Variants in MGAM2 observed in about 807,000 individuals in gnomAD.
The protein encoded by MGAM2 is maltase-glucoamylase 2 (putative).
In MGAM2, 98 loss-of-function variants were observed where a neutral mutation model predicts 96.1. The ratio of observed to expected loss-of-function variants is 1.02; its 90% CI spans 0.87 to 1.21. The LOEUF (loss-of-function observed/expected upper bound fraction) is 1.21, where lower values mean the gene tolerates loss of function less well. MGAM2 is among the 50% of genes most tolerant of loss of function. The probability of loss-of-function intolerance (pLI) is 0.00; values close to 1 mark genes in which losing one functional copy is unlikely to be tolerated. For missense variants in MGAM2, 2,055 were observed against 1,182.4 expected (o/e 1.74, Z -10.82); for synonymous variants, 749 against 414.8 (o/e 1.81, Z -9.79).
chr7:142,191,948 A>G lies in MGAM2; in HGVS notation c.4346+2443A>G, dbSNP rs375825532. ...TTGGCCATTATTTCTATAAATATTTATCTGTCCCTTTGTCTTTTCTTTTAT... is the reference window on the plus strand; with the variant it reads ...TTGGCCATTATTTCTATAAATATTTGTCTGTCCCTTTGTCTTTTCTTTTAT... On this transcript the variant is annotated intron_variant, in intron 37 of 47. Transcript: ENST00000477922. Among the ~76,000 whole-genome samples the G allele has an allele frequency of 3.3e-5, 5 of 152,068 alleles. No individual in the cohort carries two copies. In the East Asian group the frequency reaches 7.7e-4, roughly 23 times the overall value.
chr7:142,192,827 T>G lies in MGAM2; in HGVS notation c.4346+3322T>G, dbSNP rs369252015. Among the ~76,000 whole-genome samples, 4 of 152,202 alleles carry G rather than the reference T, an allele frequency of 2.6e-5. No homozygotes were observed. The South Asian group carries it at 6.2e-4, about 24-fold the overall frequency. On this transcript the variant is annotated intron_variant, in intron 37 of 47. Coordinates refer to ENST00000477922, the MANE Select transcript of MGAM2 (RefSeq NM_001293626.2). ...CATGAATTATTTTTTATCTTCTTCC[T>G]CACTGCTGGTATATTGCTTTAGGAT...
At chr7:142,184,697 A>G (rs538713836) in intron 33 of MGAM2, among the ~76,000 whole-genome samples, 1 of 152,288 alleles carries the variant, frequency 6.6e-6, no homozygotes, top group Admixed American at 6.5e-5. Flanking sequence ...GGTGAGGTGT[A>G]TGGGTTATGA....
Position 142,196,584 on chromosome 7 carries a change from C to A in MGAM2, c.4500C>A (p.Leu1500=). The change falls in exon 39 of 48, where the codon CTC becomes CTA. Residue 1500 remains leucine, a synonymous_variant. Transcript: ENST00000477922. ...KSIIGMMEFS[L]FGIPYTGADI... ...TTGCAGGCATGATGGAGTTCAGTCTCTTTGGAATACCTTATGTAAGTCACA... is the reference window on the plus strand; with the variant it reads ...TTGCAGGCATGATGGAGTTCAGTCTATTTGGAATACCTTATGTAAGTCACA... 1 of 722,818 alleles carries A rather than the reference C, an allele frequency of 1.4e-6. No homozygotes were observed. 44.8% of individuals were successfully genotyped at this position (722,818 alleles called of 1,614,324 possible).
At chr7:142,119,662 C>T (rs1367108991) in intron 2 of MGAM2, among the ~76,000 whole-genome samples, 1 of 152,094 alleles carries the variant, frequency 6.6e-6, no homozygotes, top group African/African-American at 2.4e-5. Flanking sequence ...TGTACATGAA[C>T]CGATGAATAG....
At chr7:142,183,829 T>C (rs1330400978) in intron 33 of MGAM2, among the ~76,000 whole-genome samples, 1 of 152,216 alleles carries the variant, frequency 6.6e-6, no homozygotes, top group South Asian at 2.1e-4. Context: ...TCTTTATATG[T>C]CTGATTTTTG....
intron 3 of MGAM2, among the ~76,000 whole-genome samples, chr7:142,129,400 GT>G (rs1044399054): frequency 2.8e-4 from 42 of 152,292 alleles, no homozygotes; most frequent in African/African-American, 9.6e-4. Flanking sequence ...GCATGATTAT[GT>G]TTTGAAACGC....
chr7:142,139,450 A>G (rs927521792), intron 10 of MGAM2, among the ~76,000 whole-genome samples: 1 of 151,986 alleles, frequency 6.6e-6, no homozygotes, highest in Non-Finnish European at 1.5e-5. Context: ...ACTTGAGGTC[A>G]GGAGTTCGGA....
chr7:142,132,683 T>A (rs1351914144), intron 6 of MGAM2, among the ~76,000 whole-genome samples: 3 of 126,794 alleles, frequency 2.4e-5, no homozygotes, highest in African/African-American at 9.4e-5. Context: ...TTAATTATAA[T>A]ATAATTAATA....
intron 10 of MGAM2, among the ~76,000 whole-genome samples, chr7:142,140,376 C>T (rs537372579): frequency 1.3e-5 from 2 of 152,266 alleles, no homozygotes; most frequent in South Asian, 4.1e-4. Context: ...CTAGCACTTT[C>T]GTAGGGCAAA....
intron 17 of MGAM2, among the ~76,000 whole-genome samples, chr7:142,157,197 T>A (rs897952914): frequency 6.6e-6 from 1 of 151,848 alleles, no homozygotes; most frequent in African/African-American, 2.4e-5. Context: ...CAATGTGGCT[T>A]ATAAGGCAAT....
intron 15 of MGAM2, among the ~76,000 whole-genome samples, chr7:142,152,868 T>C (rs1176404044): frequency 6.6e-6 from 1 of 152,048 alleles, no homozygotes; most frequent in Non-Finnish European, 1.5e-5. Context: ...TCAAAAGGTG[T>C]CCAGAATAAA....
At position 142,198,198 on chromosome 7, in the gene MGAM2, A is replaced by C. The variant is rs972612188; in HGVS notation, c.4923+3A>C. 1.4e-6 allele frequency: 1 copy of C among 702,522 alleles called. No individual in the cohort carries two copies. The highest frequency in any genetic ancestry group is 1.7e-5 in the African/African-American group (1 of 57,258). 43.5% of individuals were successfully genotyped at this position (702,522 alleles called of 1,614,324 possible). The stretch of plus-strand genomic sequence containing the variant: ...CCCGTTGGTATGACTATAGCACGGT[A>C]AGAACTAATATATTTGTGAAGAACC... On this transcript the variant is annotated splice_donor_region_variant and intron_variant, in intron 43 of 47. Transcript: ENST00000477922.
chr7:142,140,707 G>T (rs1795194543), intron 10 of MGAM2, 95 bp from the exon 11 acceptor site: 1 of 573,850 alleles, frequency 1.7e-6, no homozygotes, highest in Admixed American at 3.3e-5. Context: ...TAGAAAATAT[G>T]GTTTCATTTT....
chr7:142,131,115 GC>G (rs780186270), intron 4 of MGAM2, 44 bp downstream of exon 4: 1 of 689,398 alleles, frequency 1.5e-6, no homozygotes, highest in South Asian at 1.5e-5. Context: ...ACTCCTTATG[GC>G]CCAGATACGT....
intron 1 of MGAM2, among the ~76,000 whole-genome samples, chr7:142,113,804 G>A (rs1817255944): frequency 1.3e-5 from 2 of 152,064 alleles, no homozygotes; most frequent in South Asian, 4.1e-4. Flanking sequence ...GTTTAAAAAA[G>A]AAGCCTATAC....
At chr7:142,142,784 G>A (rs570986081) in intron 12 of MGAM2, among the ~76,000 whole-genome samples, 2 of 152,026 alleles carry the variant, frequency 1.3e-5, no homozygotes, top group African/African-American at 4.8e-5. Flanking sequence ...TCCTGACCTC[G>A]TGATCCACCT....
chr7:142,219,250 G>A (rs1036376149), intron 47 of MGAM2, among the ~76,000 whole-genome samples: 56 of 152,162 alleles, frequency 3.7e-4, no homozygotes, highest in Admixed American at 3.3e-3. Flanking sequence ...CATAGTTCTT[G>A]TTTTCTAAAA....
At position 142,221,418 on chromosome 7, in the gene MGAM2, A is replaced by T. The variant is rs888720198; in HGVS notation, c.6907A>T (p.Thr2303Ser). 3 of 593,152 alleles carry T rather than the reference A, an allele frequency of 5.1e-6. No homozygotes were observed. The Admixed American group carries it at 9.0e-5, about 18-fold the overall frequency. 36.7% of individuals were successfully genotyped at this position (593,152 alleles called of 1,614,324 possible). The change falls in exon 48 of 48, where the codon ACT (threonine) becomes TCT (serine). Residue 2303 changes from threonine (T) to serine (S), a missense_variant. By Grantham distance (58) the Thr-to-Ser change is moderately conservative. Transcript: ENST00000477922. Reference protein sequence around the residue: ...YQTSPTIPTHTLTSIPSSITS... With the variant: ...YQTSPTIPTHSLTSIPSSITS... ...GACTTCTCCTACCATTCCTACCCAT[A>T]CTCTTACTTCTATTCCTAGCTCTAT...
At position 142,133,999 on chromosome 7, in the gene MGAM2, GCCCC is replaced by G; in HGVS notation, c.595_598del (p.Pro199SerfsTer34). Reference sequence around the variant, plus strand: ...GGCCCAGGTTGGACACGAGCATCGGGCCCCTCCAGTTTGCCCAGCAGTACCTGCA... The same window carrying G: ...GGCCCAGGTTGGACACGAGCATCGGGTCCAGTTTGCCCAGCAGTACCTGCA... On this transcript the variant is annotated frameshift_variant, in exon 7 of 48. Coordinates refer to ENST00000477922, the MANE Select transcript of MGAM2 (RefSeq NM_001293626.2). LOFTEE classifies it high-confidence loss of function. 1.4e-6 allele frequency: 1 copy of G among 716,960 alleles called. No individual in the cohort carries two copies. The highest frequency in any genetic ancestry group is 2.5e-6 in the Non-Finnish European group (1 of 392,720). The allele number at this position is 716,960 out of a possible 1,614,324, so 44.4% of individuals were successfully genotyped here. A position where few individuals can be genotyped will look rare whatever the true frequency, so the allele number is the denominator to read the frequency against.
Sources: allele counts gnomAD v4.1 joint callset (sites outside exome capture counted in the v4.1 genomes callset), GRCh38; gene constraint gnomAD v4.1.1; transcripts MANE v1.5; gene names NCBI Gene and HGNC (gene_info 2026-07-23, HGNC 2026-07-21).